KCNK2: variants seen among roughly 807,000 people sequenced by gnomAD.
KCNK2 encodes potassium channel subfamily K member 2.
In KCNK2, 21 loss-of-function variants were observed where a neutral mutation model predicts 40.5. That is an observed-to-expected ratio of 0.52 (90% CI 0.37 to 0.75). The LOEUF is 0.75. KCNK2 is among the 30% of genes least tolerant of loss of function. The pLI, the probability that KCNK2 is intolerant of heterozygous loss-of-function variation, is 0.00. For synonymous variants in KCNK2, 191 were observed against 202.2 expected, an observed-to-expected ratio of 0.94 and a Z score of 0.47; for missense variants, 399 against 531.6, an observed-to-expected ratio of 0.75 and a Z score of 2.45.
intron 5 of KCNK2, among the ~76,000 whole-genome samples, chr1:215,182,249 A>T (rs1006929208): frequency 5.3e-5 from 8 of 152,106 alleles, no homozygotes; most frequent in African/African-American, 1.9e-4. Flanking sequence ...ATCTATGCGC[A>T]GGAAGGGCAG....
chr1:215,085,968 C>T (rs775709919), intron 1 of KCNK2, among the ~76,000 whole-genome samples: 3 of 152,178 alleles, frequency 2.0e-5, no homozygotes, highest in Admixed American at 6.5e-5. Flanking sequence ...TAACCATGAG[C>T]CGTCTTCCTG....
At chr1:215,211,898 A>G (rs889983833) in intron 6 of KCNK2, among the ~76,000 whole-genome samples, 3 of 152,148 alleles carry the variant, frequency 2.0e-5, no homozygotes, top group Non-Finnish European at 2.9e-5. Context: ...TTTCAGTAGA[A>G]CCAAACTGTA....
chr1:215,118,634 TG>T (rs1661050937), intron 2 of KCNK2, among the ~76,000 whole-genome samples: 2 of 152,194 alleles, frequency 1.3e-5, no homozygotes, highest in Non-Finnish European at 2.9e-5. Flanking sequence ...TTTCAGGAGC[TG>T]TGTTACTGTA....
Position 215,028,436 on chromosome 1 carries a change from T to G in KCNK2, c.34+22481T>G, listed in dbSNP as rs369757050. 1.2e-3 allele frequency among the ~76,000 whole-genome samples: 186 copies of G among 152,144 alleles called. 7 individuals are homozygous for G. In the South Asian group the frequency reaches 0.037, roughly 31 times the overall value. On this transcript the variant is annotated intron_variant, in intron 1 of 6. Transcript: ENST00000391895. ...ATAAAATAAAAAATAAAAGAATAAC[T>G]TTTGGGATTCTGTCTCAATTTTATT...
intron 3 of KCNK2, among the ~76,000 whole-genome samples, chr1:215,153,621 T>A (rs916456048): frequency 6.6e-6 from 1 of 151,878 alleles, no homozygotes; most frequent in African/African-American, 2.4e-5. Flanking sequence ...TCTAATTTAA[T>A]TTTTTTTAAA....
At chr1:215,035,217 G>C (rs1433371799) in intron 1 of KCNK2, among the ~76,000 whole-genome samples, 1 of 152,084 alleles carries the variant, frequency 6.6e-6, no homozygotes, top group African/African-American at 2.4e-5. Context: ...ACATTTGTAA[G>C]AGTTGTTTGT....
chr1:215,212,246 A>G (rs1665772186), intron 6 of KCNK2, among the ~76,000 whole-genome samples: 1 of 152,144 alleles, frequency 6.6e-6, no homozygotes, highest in African/African-American at 2.4e-5. Context: ...CTTTTAAATA[A>G]TTGGTCCTTA....
At chr1:215,046,389 G>T (rs1288047549) in intron 1 of KCNK2, among the ~76,000 whole-genome samples, 2 of 152,012 alleles carry the variant, frequency 1.3e-5, no homozygotes, top group Non-Finnish European at 2.9e-5. Context: ...TCCAGGTGTT[G>T]TGAATATGGT....
At chr1:215,052,864 A>G (rs1314373297) in intron 1 of KCNK2, among the ~76,000 whole-genome samples, 1 of 152,216 alleles carries the variant, frequency 6.6e-6, no homozygotes, top group African/African-American at 2.4e-5. Context: ...TAAGTAGCAT[A>G]TGATAGATGA....
At chr1:215,177,933 T>C (rs115134001) in intron 5 of KCNK2, among the ~76,000 whole-genome samples, 151 of 151,736 alleles carry the variant, frequency 1.0e-3, no homozygotes, top group Non-Finnish European at 2.0e-3. Context: ...GGTAGCTTAA[T>C]AGAAATAGCG....
chr1:215,025,868 G>A (rs1656983203), intron 1 of KCNK2, among the ~76,000 whole-genome samples: 1 of 152,026 alleles, frequency 6.6e-6, no homozygotes, highest in African/African-American at 2.4e-5. Flanking sequence ...GAATATATAC[G>A]AAGGAGTGGG....
intron 3 of KCNK2, among the ~76,000 whole-genome samples, chr1:215,161,773 T>C (rs768173239): frequency 6.6e-6 from 1 of 152,202 alleles, no homozygotes; most frequent in Non-Finnish European, 1.5e-5. Flanking sequence ...TTTTTATGGC[T>C]GCATAGTATT....
chr1:215,076,798 C>T (rs1455386330), intron 1 of KCNK2, among the ~76,000 whole-genome samples: 2 of 152,172 alleles, frequency 1.3e-5, no homozygotes, highest in African/African-American at 4.8e-5. Flanking sequence ...GGACCCCCCA[C>T]AGAGCTGAGT....
At chr1:215,168,704 G>A (rs1663561479) in intron 3 of KCNK2, among the ~76,000 whole-genome samples, 2 of 152,178 alleles carry the variant, frequency 1.3e-5, no homozygotes, top group African/African-American at 4.8e-5. Flanking sequence ...GACCAGTAAG[G>A]GGTGGTGGGA....
At chr1:215,038,442 C>T (rs1296500383) in intron 1 of KCNK2, among the ~76,000 whole-genome samples, 1 of 152,094 alleles carries the variant, frequency 6.6e-6, no homozygotes, top group Non-Finnish European at 1.5e-5. Flanking sequence ...ATAGTATGTT[C>T]AGGGAGTAGC....
chr1:215,056,579 T>C (rs1658175592), intron 1 of KCNK2, among the ~76,000 whole-genome samples: 3 of 148,146 alleles, frequency 2.0e-5, no homozygotes, highest in Admixed American at 2.0e-4. Context: ...GTAAATGTTT[T>C]AATGTATAAA....
chr1:215,110,692 T>A (rs559029306), intron 2 of KCNK2, among the ~76,000 whole-genome samples: 20 of 152,182 alleles, frequency 1.3e-4, no homozygotes, highest in African/African-American at 4.3e-4. Flanking sequence ...TTTTAAAGCA[T>A]TTTTAGGTTC....
chr1:215,107,144 G>T (rs529480369), intron 2 of KCNK2, among the ~76,000 whole-genome samples: 3 of 151,510 alleles, frequency 2.0e-5, no homozygotes, highest in East Asian at 3.9e-4. Flanking sequence ...TTTTTAATTT[G>T]ATAGGAATAA....
At chr1:215,012,646 GTTTTT>G (rs34028242) in intron 1 of KCNK2, among the ~76,000 whole-genome samples, 1 of 121,756 alleles carries the variant, frequency 8.2e-6, no homozygotes. Flanking sequence ...TAATTTTTTA[GTTTTT>G]TTTTTTTTTT....
Sources: allele counts gnomAD v4.1 joint callset (sites outside exome capture counted in the v4.1 genomes callset), GRCh38; gene constraint gnomAD v4.1.1; transcripts MANE v1.5; gene names NCBI Gene and HGNC (gene_info 2026-07-23, HGNC 2026-07-21).